The following ATP2C2 variants were observed in gnomAD, a reference collection of about 807,000 sequenced individuals.
The protein encoded by ATP2C2 is calcium-transporting ATPase type 2C member 2.
Under a neutral mutation model 110.8 loss-of-function variants are expected in ATP2C2, and 171 were observed. That is an observed-to-expected ratio of 1.54 (90% CI 1.36 to 1.75). The LOEUF is 1.75. ATP2C2 is among the 40% of genes most tolerant of loss of function. ATP2C2 has a pLI of 0.00. For synonymous variants in ATP2C2, 804 were observed against 508.4 expected, an observed-to-expected ratio of 1.58 and a Z score of -7.82; for missense variants, 1,963 against 1,235.0, an observed-to-expected ratio of 1.59 and a Z score of -8.84.
intron 7 of ATP2C2, among the ~76,000 whole-genome samples, chr16:84,417,168 T>C (rs932536881): frequency 6.6e-6 from 1 of 152,162 alleles, no homozygotes; most frequent in Non-Finnish European, 1.5e-5. Flanking sequence ...GCCCATAGGG[T>C]ACTTGGGAGG....
intron 11 of ATP2C2, 174 bp from the exon 12 acceptor site, chr16:84,438,992 A>C: frequency 1.1e-6 from 1 of 901,840 alleles, no homozygotes; most frequent in Non-Finnish European, 1.7e-6. Context: ...GGCTCAGGAC[A>C]GTGGGTGCTG....
At chr16:84,408,283 G>T in intron 3 of ATP2C2, 122 bp from the exon 4 acceptor site, 2 of 891,744 alleles carry the variant, frequency 2.2e-6, no homozygotes, top group East Asian at 2.5e-5. Flanking sequence ...GGTCACCATG[G>T]TGTTGACCTG....
rs373326799 is a variant in ATP2C2 at position 84,462,038 on chromosome 16, C to T, written c.2631C>T (p.Tyr877=). Reference sequence around the variant, plus strand: ...TTCTCAGGAACCACATGTTCCTCTACTCCGTCCTGGGGTCCATCCTGGGGC... The same window carrying T: ...TTCTCAGGAACCACATGTTCCTCTATTCCGTCCTGGGGTCCATCCTGGGGC... The part of the protein sequence containing the change: ...IGFLRNHMFL[Y]SVLGSILGQL... Residue 877 remains tyrosine, a synonymous_variant, in exon 26 of 27, where the codon TAC becomes TAT. Coordinates refer to ENST00000262429, the MANE Select transcript of ATP2C2 (RefSeq NM_014861.4). 158 of 1,613,998 alleles carry T rather than the reference C, an allele frequency of 9.8e-5. No individual in the cohort carries two copies. The highest frequency in any genetic ancestry group is 1.3e-4 in the Non-Finnish European group (150 of 1,179,998).
intron 20 of ATP2C2, among the ~76,000 whole-genome samples, chr16:84,454,093 C>G (rs905676957): frequency 2.0e-5 from 3 of 152,110 alleles, no homozygotes; most frequent in Non-Finnish European, 4.4e-5. Flanking sequence ...CGCCTATCTT[C>G]GCCTCCCAAA....
intron 1 of ATP2C2, among the ~76,000 whole-genome samples, chr16:84,372,185 G>A (rs1240017670): frequency 1.3e-5 from 2 of 152,156 alleles, no homozygotes; most frequent in Non-Finnish European, 2.9e-5. Context: ...AGGGTTTTAA[G>A]TCAGGACATG....
chr16:84,461,605 G>A (rs575675686), intron 24 of ATP2C2, 109 bp from the exon 25 acceptor site: 3 of 951,072 alleles, frequency 3.2e-6, no homozygotes, highest in Admixed American at 1.7e-5. Flanking sequence ...GAGCTTGTAA[G>A]TGGCTCCCAG....
At chr16:84,450,652 G>A (rs1910173820) in intron 17 of ATP2C2, among the ~76,000 whole-genome samples, 1 of 152,104 alleles carries the variant, frequency 6.6e-6, no homozygotes, top group Non-Finnish European at 1.5e-5. Context: ...AGGCATGCCA[G>A]CCCCATCTTT....
chr16:84,395,510 G>C (rs1292351662), intron 1 of ATP2C2, among the ~76,000 whole-genome samples: 1 of 150,986 alleles, frequency 6.6e-6, no homozygotes, highest in Non-Finnish European at 1.5e-5. Context: ...CCAGGCTGGA[G>C]TGCAGTGGCA....
intron 24 of ATP2C2, chr16:84,461,464 A>G (rs8058293): frequency 0.23 from 133,020 of 579,502 alleles, 20,956 homozygotes; most frequent in East Asian, 0.66. Context: ...TCCTGGAGGA[A>G]GTGGTGTTTC....
intron 14 of ATP2C2, among the ~76,000 whole-genome samples, chr16:84,441,467 G>A (rs3785061): frequency 0.26 from 39,291 of 151,812 alleles, 5,905 homozygotes; most frequent in East Asian, 0.54. Flanking sequence ...TGAGTCCTGC[G>A]GTCCGAGCTG....
intron 11 of ATP2C2, among the ~76,000 whole-genome samples, chr16:84,437,261 C>A (rs1270140672): frequency 2.0e-5 from 3 of 151,800 alleles, no homozygotes; most frequent in African/African-American, 7.3e-5. Context: ...GATCATGGCC[C>A]ACTGCAGCCT....
intron 7 of ATP2C2, among the ~76,000 whole-genome samples, chr16:84,422,124 T>C (rs2150544467): frequency 6.6e-6 from 1 of 152,242 alleles, no homozygotes; most frequent in African/African-American, 2.4e-5. Context: ...AAAATAGCCA[T>C]CACCTTCATT....
At chr16:84,458,619 G>T (rs960351797) in intron 21 of ATP2C2, among the ~76,000 whole-genome samples, 1 of 152,144 alleles carries the variant, frequency 6.6e-6, no homozygotes, top group African/African-American at 2.4e-5. Context: ...CTACATTAGT[G>T]ACCCCAGGTC....
At chr16:84,370,072 G>T (rs142730663) in intron 1 of ATP2C2, among the ~76,000 whole-genome samples, 2 of 152,294 alleles carry the variant, frequency 1.3e-5, no homozygotes, top group African/African-American at 4.8e-5. Flanking sequence ...ATCAGGCCAG[G>T]TATTTTTCAA....
At chr16:84,373,117 C>T (rs1369714291) in intron 1 of ATP2C2, among the ~76,000 whole-genome samples, 2 of 113,358 alleles carry the variant, frequency 1.8e-5, no homozygotes, top group Non-Finnish European at 4.1e-5. Flanking sequence ...GAGACTCCCT[C>T]TCAAAAAAAA....
In ATP2C2 at chr16:84,463,874, C is replaced by CA. The variant is rs1487662037; in HGVS notation, c.*143dup. Reference sequence around the variant, plus strand: ...TCAGTTTTTCCTCTTAGGAAAGCTGCAGGAACCTCGTGGGCTCCAGGGACC... The same window carrying CA: ...TCAGTTTTTCCTCTTAGGAAAGCTGCAAGGAACCTCGTGGGCTCCAGGGACC... On this transcript the variant is annotated 3_prime_UTR_variant, in exon 27 of 27. Transcript: ENST00000262429. 3 of 760,230 alleles carry CA rather than the reference C, an allele frequency of 3.9e-6. No individual in the cohort carries two copies. The highest frequency in any genetic ancestry group is 6.5e-6 in the Non-Finnish European group (3 of 461,266). The allele number at this position is 760,230 out of a possible 1,614,324, so 47.1% of individuals were successfully genotyped here. A position where few individuals can be genotyped will look rare whatever the true frequency, so the allele number is the denominator to read the frequency against.
At position 84,405,196 on chromosome 16, in the gene ATP2C2, G is replaced by T; in HGVS notation, c.279G>T (p.Glu93Asp). 1 of 1,614,170 alleles carries T rather than the reference G, an allele frequency of 6.2e-7. No individual in the cohort carries two copies. Among genetic ancestry groups the T allele is most frequent in the Non-Finnish European group, 8.5e-7 (1 of 1,180,034 alleles). The change falls in exon 3 of 27, where the codon GAG (glutamate) becomes GAT (aspartate). Residue 93 changes from glutamate (E) to aspartate (D), a missense_variant. Coordinates refer to ENST00000262429, the MANE Select transcript of ATP2C2 (RefSeq NM_014861.4). ...GCCGGCTGGCCCATGGCTGGAATGA[G>T]TTTGTTGCTGACAACAGCGAACCTG... ...TQRRLAHGWN[E>D]FVADNSEPVW... is the part of the protein sequence containing the mutation.
rs537985862 is a variant in ATP2C2 at position 84,415,354 on chromosome 16, C to T, written c.516-129C>T. On this transcript the variant is annotated intron_variant, in intron 6 of 26. Transcript: ENST00000262429. ...ATGTTAATTTCAAAATAATAACACCCCAAAGGCACAGGGTTGGTGTATATT... is the reference window on the plus strand; with the variant it reads ...ATGTTAATTTCAAAATAATAACACCTCAAAGGCACAGGGTTGGTGTATATT... The T allele has an allele frequency of 3.9e-6, 3 of 765,346 alleles. No homozygotes were observed. In the South Asian group the frequency reaches 4.7e-5, roughly 12 times the overall value. 47.4% of individuals were successfully genotyped at this position (765,346 alleles called of 1,614,324 possible). A position where few individuals can be genotyped will look rare whatever the true frequency, so the allele number is the denominator to read the frequency against.
At chr16:84,455,104 G>A (rs920740365) in intron 21 of ATP2C2, 120 bp downstream of exon 21, 198 of 1,307,702 alleles carry the variant, frequency 1.5e-4, no homozygotes, top group Middle Eastern at 4.4e-4. Context: ...AGGGAGAGCT[G>A]AATCTCGGGG....
Sources: allele counts gnomAD v4.1 joint callset (sites outside exome capture counted in the v4.1 genomes callset), GRCh38; gene constraint gnomAD v4.1.1; transcripts MANE v1.5; gene names NCBI Gene and HGNC (gene_info 2026-07-23, HGNC 2026-07-21).